MAGI2: variants seen among roughly 807,000 people sequenced by gnomAD.
The protein encoded by MAGI2 is membrane associated guanylate kinase, WW and PDZ domain containing 2, also known as membrane-associated guanylate kinase, WW and PDZ domain-containing protein 2.
In MAGI2, 35 loss-of-function variants were observed where a neutral mutation model predicts 133.3. That is an observed-to-expected ratio of 0.26 (90% confidence interval 0.20 to 0.35). The LOEUF (loss-of-function observed/expected upper bound fraction) is 0.35. Ranked by LOEUF, MAGI2 falls within the 10% of genes least tolerant of loss-of-function variation. The pLI is 1.00. For synonymous variants in MAGI2, 729 were observed against 710.6 expected (o/e 1.03, Z -0.41); for missense variants, 1,636 against 1,863.4 (o/e 0.88, Z 2.25).
intron 3 of MAGI2, among the ~76,000 whole-genome samples, chr7:78,550,781 A>C (rs1799270340): frequency 6.6e-6 from 1 of 151,506 alleles, no homozygotes; most frequent in Non-Finnish European, 1.5e-5. Flanking sequence ...ACTCATGAAC[A>C]TTGTGACTCT....
intron 3 of MAGI2, among the ~76,000 whole-genome samples, chr7:78,573,076 T>TACACAC (rs1217454892): frequency 5.7e-5 from 3 of 52,580 alleles, no homozygotes; most frequent in South Asian, 6.9e-4. Context: ...TATATATATA[T>TACACAC]ACACACACAC....
intron 9 of MAGI2, among the ~76,000 whole-genome samples, chr7:78,265,044 C>A (rs1223880710): frequency 1.3e-5 from 2 of 151,838 alleles, no homozygotes; most frequent in Non-Finnish European, 2.9e-5. Context: ...ATAATTTCAT[C>A]TGTGTGACCC....
At chr7:78,891,164 C>G (rs1465673031) in intron 2 of MAGI2, among the ~76,000 whole-genome samples, 4 of 152,094 alleles carry the variant, frequency 2.6e-5, no homozygotes, top group Non-Finnish European at 5.9e-5. Flanking sequence ...TACACCCTCC[C>G]AAGACTAAAC....
chr7:78,637,367 C>T (rs926472115), intron 2 of MAGI2, among the ~76,000 whole-genome samples: 36 of 151,438 alleles, frequency 2.4e-4, no homozygotes, highest in African/African-American at 8.3e-4. Flanking sequence ...AACAGTATGG[C>T]TGATATTGGG....
chr7:78,516,953 G>A lies in MAGI2; in HGVS notation c.754+4477C>T, dbSNP rs142275586. The stretch of plus-strand genomic sequence containing the variant: ...AAGGGCTTTGTGAATTGGTTTGCTT[G>A]CTTGTTCTGTGGGAGAAGAGTTTAA... On this transcript the variant is annotated intron_variant, in intron 4 of 21. Transcript: ENST00000354212. Among the ~76,000 whole-genome samples the A allele has an allele frequency of 2.7e-3, 405 of 152,326 alleles. 9 individuals are homozygous for A. The East Asian group carries it at 0.028, about 11-fold the overall frequency.
intron 3 of MAGI2, among the ~76,000 whole-genome samples, chr7:78,536,103 C>CTT (rs544655465): frequency 0.13 from 7,624 of 59,856 alleles, 2,431 homozygotes; most frequent in South Asian, 0.19. Flanking sequence ...ATGAATTAAA[C>CTT]TTTTTTTTTT....
chr7:79,049,592 T>C (rs956602231), intron 1 of MAGI2, among the ~76,000 whole-genome samples: 2 of 152,082 alleles, frequency 1.3e-5, no homozygotes, highest in African/African-American at 4.8e-5. Flanking sequence ...TAATAATTAA[T>C]TTAGATTTTT....
intron 9 of MAGI2, among the ~76,000 whole-genome samples, chr7:78,300,316 A>G (rs1427846606): frequency 6.6e-6 from 1 of 152,196 alleles, no homozygotes; most frequent in Admixed American, 6.5e-5. Flanking sequence ...TTGTTTTTCT[A>G]TGTAATCCTC....
chr7:79,376,841 G>GTGTGTGTGTGTGTGT (rs1563166210), intron 1 of MAGI2, among the ~76,000 whole-genome samples: 269 of 147,572 alleles, frequency 1.8e-3, no homozygotes, highest in African/African-American at 6.6e-3. Flanking sequence ...TGTGTGTGTG[G>GTGTGTGTGTGTGTGT]GTGTATGGCG....
intron 2 of MAGI2, among the ~76,000 whole-genome samples, chr7:78,843,996 T>C (rs1030150728): frequency 6.9e-6 from 1 of 145,526 alleles, no homozygotes; most frequent in South Asian, 2.1e-4. Flanking sequence ...ATATTATTTA[T>C]ATATATATAT....
Position 78,274,507 on chromosome 7 carries a change from G to A in MAGI2, c.1409-17926C>T, listed in dbSNP as rs146234798. 5.7e-3 allele frequency among the ~76,000 whole-genome samples: 862 copies of A among 152,174 alleles called. 5 individuals carry two copies. Among genetic ancestry groups the A allele is most frequent in the African/African-American group, 0.02 (812 of 41,536 alleles). On this transcript the variant is annotated intron_variant, in intron 9 of 21. Coordinates refer to ENST00000354212, the MANE Select transcript of MAGI2 (RefSeq NM_012301.4). ...TGCTCTCTTCAGAGCTGTCAGGCAGGGACGTTTAAGTCTGCTGAAGCTGTG... is the reference window on the plus strand; with the variant it reads ...TGCTCTCTTCAGAGCTGTCAGGCAGAGACGTTTAAGTCTGCTGAAGCTGTG...
intron 2 of MAGI2, among the ~76,000 whole-genome samples, chr7:78,657,325 A>G (rs1812411951): frequency 6.6e-6 from 1 of 152,202 alleles, no homozygotes; most frequent in Admixed American, 6.5e-5. Context: ...ACTCCTTGAT[A>G]TTTATCCAAA....
intron 21 of MAGI2, among the ~76,000 whole-genome samples, chr7:78,035,843 A>G (rs963171287): frequency 6.6e-6 from 1 of 151,956 alleles, no homozygotes; most frequent in African/African-American, 2.4e-5. Context: ...TCACAATTAA[A>G]TGATTTATTC....
At chr7:78,560,993 G>C (rs1800343718) in intron 3 of MAGI2, among the ~76,000 whole-genome samples, 1 of 152,206 alleles carries the variant, frequency 6.6e-6, no homozygotes, top group African/African-American at 2.4e-5. Context: ...GTAATTTGTA[G>C]TTGGTGATCT....
chr7:79,351,874 T>C (rs1046520784), intron 1 of MAGI2: 1 of 152,200 alleles, frequency 6.6e-6, no homozygotes, highest in Admixed American at 6.5e-5. Context: ...ATGTCCACTA[T>C]TTCACTGCTC....
chr7:78,652,340 A>G (rs1435090989), intron 2 of MAGI2, among the ~76,000 whole-genome samples: 1 of 151,990 alleles, frequency 6.6e-6, no homozygotes, highest in South Asian at 2.1e-4. Context: ...TCTATTCAAT[A>G]CAATAATATC....
At chr7:78,773,448 A>G (rs2151324378) in intron 2 of MAGI2, among the ~76,000 whole-genome samples, 1 of 152,334 alleles carries the variant, frequency 6.6e-6, no homozygotes, top group Middle Eastern at 3.4e-3. Context: ...GGTAGAATAA[A>G]TGTTTACTAA....
At chr7:79,378,373 G>T (rs537308154) in intron 1 of MAGI2, among the ~76,000 whole-genome samples, 1 of 151,860 alleles carries the variant, frequency 6.6e-6, no homozygotes, top group Admixed American at 6.6e-5. Flanking sequence ...CAGGTAAACT[G>T]CTTTTCCGAT....
In MAGI2 at chr7:79,040,732, C is replaced by T. The variant is rs553469404; in HGVS notation, c.302-33526G>A. 1.8e-4 allele frequency among the ~76,000 whole-genome samples: 27 copies of T among 152,218 alleles called. No homozygotes were observed. In the South Asian group the frequency reaches 5.2e-3, roughly 29 times the overall value. On this transcript the variant is annotated intron_variant, in intron 1 of 21. Transcript: ENST00000354212. The stretch of plus-strand genomic sequence containing the variant: ...TCTCACAAGTGTCCAGCATTTCCCC[C>T]GCTTGCACTCACTCCACTGTCACCC...
Sources: gnomAD v4.1 joint callset for allele counts (sites outside exome capture counted in the v4.1 genomes callset) on GRCh38, gnomAD v4.1.1 for gene constraint, MANE v1.5 for transcripts, NCBI Gene and HGNC (gene_info 2026-07-23, HGNC 2026-07-21) for gene names.